PLPP1: variants seen among roughly 807,000 people sequenced by gnomAD.
The protein encoded by PLPP1 is phospholipid phosphatase 1.
In PLPP1, 24 loss-of-function variants were observed where a neutral mutation model predicts 31.2. The observed-to-expected ratio is 0.77, with a 90% CI of 0.56 to 1.08. PLPP1 has a LOEUF of 1.08. Among genes scored for constraint, PLPP1 ranks in the 50% least tolerant of loss-of-function variants. PLPP1 has a pLI of 0.00. For synonymous variants in PLPP1, 146 were observed against 126.3 expected, an observed-to-expected ratio of 1.16 and a Z score of -1.05; for missense variants, 319 against 342.7, an observed-to-expected ratio of 0.93 and a Z score of 0.55.
intron 3 of PLPP1, among the ~76,000 whole-genome samples, chr5:55,463,616 A>T (rs1433887370): frequency 6.6e-6 from 1 of 151,932 alleles, no homozygotes; most frequent in Non-Finnish European, 1.5e-5. Flanking sequence ...AGCTTCGGCG[A>T]CAGAGTGAGG....
chr5:55,517,100 A>G (rs1017075148), intron 1 of PLPP1, among the ~76,000 whole-genome samples: 4 of 152,234 alleles, frequency 2.6e-5, no homozygotes, highest in African/African-American at 9.6e-5. Flanking sequence ...TCTATTTGAC[A>G]GTCCAAAATT....
intron 3 of PLPP1, among the ~76,000 whole-genome samples, chr5:55,458,222 G>C (rs1752064368): frequency 6.6e-6 from 1 of 152,100 alleles, no homozygotes. Context: ...TATGTTACAA[G>C]AATGCCAAAA....
At chr5:55,494,967 C>A (rs867436094) in intron 1 of PLPP1, among the ~76,000 whole-genome samples, 206 of 135,426 alleles carry the variant, frequency 1.5e-3, no homozygotes, top group Non-Finnish European at 1.7e-3. Flanking sequence ...AAAAAAAATA[C>A]AAAAAAAAAA....
At chr5:55,522,908 C>T (rs1327075036) in intron 1 of PLPP1, among the ~76,000 whole-genome samples, 3 of 152,078 alleles carry the variant, frequency 2.0e-5, no homozygotes, top group Non-Finnish European at 4.4e-5. Flanking sequence ...TTAGTACAGA[C>T]GGGGTTTCAG....
At chr5:55,426,784 T>C (rs912835655) in intron 4 of PLPP1, among the ~76,000 whole-genome samples, 5 of 152,284 alleles carry the variant, frequency 3.3e-5, no homozygotes, top group Middle Eastern at 3.4e-3. Flanking sequence ...TCTGGGCCTA[T>C]CTAGGGACTA....
At chr5:55,493,257 G>A (rs1752934439) in intron 1 of PLPP1, among the ~76,000 whole-genome samples, 2 of 151,142 alleles carry the variant, frequency 1.3e-5, no homozygotes, top group South Asian at 4.2e-4. Context: ...AAAGGCTTCA[G>A]TAAGCCATGT....
intron 4 of PLPP1, among the ~76,000 whole-genome samples, chr5:55,427,942 C>T (rs1751250470): frequency 2.0e-5 from 3 of 152,190 alleles, no homozygotes; most frequent in East Asian, 1.9e-4. Context: ...CTCACCACCA[C>T]TCCCAGGTAA....
At position 55,534,633 on chromosome 5, in the gene PLPP1, C is replaced by T. The variant is rs531251825; in HGVS notation, c.-4G>A. The T allele has an allele frequency of 6.4e-7, 1 of 1,551,876 alleles. No homozygotes were observed. The highest frequency in any genetic ancestry group is 8.7e-7 in the Non-Finnish European group (1 of 1,150,808). On this transcript the variant is annotated 5_prime_UTR_variant, in exon 1 of 6. Transcript: ENST00000307259. Reference sequence around the variant, plus strand: ...GCAGCCGCGTCTTGTCAAACATGGTCTCTGCCCGGGCTGCCCGGCAAGGGC... The same window carrying T: ...GCAGCCGCGTCTTGTCAAACATGGTTTCTGCCCGGGCTGCCCGGCAAGGGC...
intron 4 of PLPP1, among the ~76,000 whole-genome samples, chr5:55,429,610 G>C (rs1751295921): frequency 6.6e-6 from 1 of 151,994 alleles, no homozygotes; most frequent in Non-Finnish European, 1.5e-5. Flanking sequence ...TCATCCCCCC[G>C]AGTCCTAAGC....
intron 2 of PLPP1, among the ~76,000 whole-genome samples, chr5:55,474,439 AT>A (rs2111807880): frequency 6.6e-6 from 1 of 152,356 alleles, no homozygotes; most frequent in East Asian, 1.9e-4. Context: ...AGTAGAGATT[AT>A]AAAAATCATG....
intron 3 of PLPP1, among the ~76,000 whole-genome samples, chr5:55,467,246 T>A (rs6450311): frequency 0.87 from 132,438 of 152,246 alleles, 57,883 homozygotes; most frequent in South Asian, 0.92. Flanking sequence ...TCGGCAAACT[T>A]TGACCCCTGT....
At chr5:55,515,615 A>G (rs1479314394) in intron 1 of PLPP1, among the ~76,000 whole-genome samples, 6 of 152,074 alleles carry the variant, frequency 3.9e-5, no homozygotes, top group Non-Finnish European at 7.4e-5. Context: ...ACTAAACCCA[A>G]TGGACACTCT....
intron 4 of PLPP1, among the ~76,000 whole-genome samples, chr5:55,426,778 G>A (rs1751208328): frequency 6.6e-6 from 1 of 151,708 alleles, no homozygotes; most frequent in South Asian, 2.1e-4. Context: ...CATTGCTCTG[G>A]GCCTATCTAG....
At chr5:55,499,623 C>T (rs1312072439) in intron 1 of PLPP1, among the ~76,000 whole-genome samples, 1 of 151,992 alleles carries the variant, frequency 6.6e-6, no homozygotes, top group Admixed American at 6.6e-5. Flanking sequence ...CATTGTTGTT[C>T]ATGGATGTGA....
At chr5:55,459,508 A>G (rs1301818927) in intron 3 of PLPP1, among the ~76,000 whole-genome samples, 7 of 152,248 alleles carry the variant, frequency 4.6e-5, no homozygotes, top group Non-Finnish European at 7.3e-5. Flanking sequence ...CACATGGAAC[A>G]TTCTCCAGAA....
chr5:55,440,547 T>G (rs1472650323), intron 4 of PLPP1, among the ~76,000 whole-genome samples: 1 of 152,232 alleles, frequency 6.6e-6, no homozygotes, highest in African/African-American at 2.4e-5. Context: ...CAGAAACATT[T>G]GAGTGTGTGT....
intron 1 of PLPP1, among the ~76,000 whole-genome samples, chr5:55,512,478 A>AGG (rs1753439254): frequency 1.6e-5 from 2 of 123,684 alleles, no homozygotes; most frequent in African/African-American, 3.4e-5. Flanking sequence ...CAAAAAAAAA[A>AGG]AAAAAGAAAG....
Position 55,534,611 on chromosome 5 carries a change from G to T in PLPP1, c.19C>A (p.Leu7Met), listed in dbSNP as rs972091276. The change falls in exon 1 of 6, where the codon CTG becomes ATG. Residue 7 changes from leucine to methionine, a missense_variant. Transcript: ENST00000307259. ...AGCACATCGAGGGCCACGTACGGCAGCCGCGTCTTGTCAAACATGGTCTCT... is the reference window on the plus strand; with the variant it reads ...AGCACATCGAGGGCCACGTACGGCATCCGCGTCTTGTCAAACATGGTCTCT... Reference protein sequence around the residue: MFDKTRLPYVALDVLCV... With the variant: MFDKTRMPYVALDVLCV... 4 of 1,558,300 alleles carry T rather than the reference G, an allele frequency of 2.6e-6. No individual in the cohort carries two copies. Among genetic ancestry groups the T allele is most frequent in the Non-Finnish European group, 3.5e-6 (4 of 1,154,054 alleles).
At chr5:55,426,370 ATAG>A (rs1177315844) in intron 4 of PLPP1, among the ~76,000 whole-genome samples, 2 of 152,130 alleles carry the variant, frequency 1.3e-5, no homozygotes, top group Admixed American at 1.3e-4. Flanking sequence ...TATAATTCTC[ATAG>A]TCAAGACCAG....
Sources: gnomAD v4.1 joint callset for allele counts (sites outside exome capture counted in the v4.1 genomes callset) on GRCh38, gnomAD v4.1.1 for gene constraint, MANE v1.5 for transcripts, NCBI Gene and HGNC (gene_info 2026-07-23, HGNC 2026-07-21) for gene names.